DAB1: variants seen among roughly 807,000 people sequenced by gnomAD.
The protein encoded by DAB1 is DAB adaptor protein 1.
DAB1 carries 15 observed loss-of-function variants against 64.6 expected under a neutral mutation model. That is an observed-to-expected ratio of 0.23 (90% CI 0.16 to 0.36). DAB1 has a LOEUF of 0.36. Ranked by LOEUF, DAB1 falls within the 10% of genes least tolerant of loss-of-function variation. The pLI, the probability that DAB1 is intolerant of heterozygous loss-of-function variation, is 1.00. For synonymous variants in DAB1, 235 were observed against 251.9 expected, an observed-to-expected ratio of 0.93 and a Z score of 0.64; for missense variants, 596 against 706.7, an observed-to-expected ratio of 0.84 and a Z score of 1.78.
At chr1:57,333,207 T>C (rs1209536177) in intron 1 of DAB1, among the ~76,000 whole-genome samples, 3 of 152,248 alleles carry the variant, frequency 2.0e-5, no homozygotes, top group Non-Finnish European at 4.4e-5. Flanking sequence ...GCAGGAACTT[T>C]GCCTGTTTTG....
At chr1:58,049,110 G>A (rs1396993163) in intron 5 of DAB1, 3 of 810,150 alleles carry the variant, frequency 3.7e-6, no homozygotes, top group Non-Finnish European at 4.3e-6. Flanking sequence ...AGTGGCATAT[G>A]TGACAAACCC....
chr1:57,435,902 CT>C (rs36121905), intron 7 of DAB1, among the ~76,000 whole-genome samples: 4,191 of 146,598 alleles, frequency 0.029, 66 homozygotes, highest in South Asian at 0.057. Context: ...ATGTGCTAGA[CT>C]TTTTTTTTCT....
At chr1:57,409,350 C>T (rs942195975) in intron 1 of DAB1, among the ~76,000 whole-genome samples, 2 of 152,204 alleles carry the variant, frequency 1.3e-5, no homozygotes, top group African/African-American at 4.8e-5. Context: ...GTATGGATCT[C>T]CTGGCTGTCA....
chr1:57,710,832 T>C (rs182654245), intron 6 of DAB1, among the ~76,000 whole-genome samples: 2 of 152,188 alleles, frequency 1.3e-5, no homozygotes, highest in African/African-American at 4.8e-5. Context: ...CTCAACTCAA[T>C]CTCCACAAAA....
chr1:58,102,303 G>C (rs1242639399), intron 5 of DAB1, among the ~76,000 whole-genome samples: 1 of 152,206 alleles, frequency 6.6e-6, no homozygotes, highest in Non-Finnish European at 1.5e-5. Flanking sequence ...CTGATGGGGA[G>C]AGGAAAGGAG....
At chr1:58,508,564 C>G (rs983935838) in intron 2 of DAB1, among the ~76,000 whole-genome samples, 1 of 152,104 alleles carries the variant, frequency 6.6e-6, no homozygotes, top group African/African-American at 2.4e-5. Flanking sequence ...ACCATATGAT[C>G]ATAAGAACAC....
chr1:57,015,159 C>T lies in DAB1; in HGVS notation c.1168G>A (p.Val390Ile), dbSNP rs374160257. 15 of 1,614,066 alleles carry T rather than the reference C, an allele frequency of 9.3e-6. No homozygotes were observed. Among genetic ancestry groups the T allele is most frequent in the South Asian group, 4.4e-5 (4 of 91,082 alleles). Reference protein sequence around the residue: ...FQGPLTPLATVPGTSDSTRSS... With the variant: ...FQGPLTPLATIPGTSDSTRSS... ...CTGGTGGAGTCACTCGTGCCTGGGACGGTGGCAAGGGGGGTGAGGGGACCT... is the reference window on the plus strand; with the variant it reads ...CTGGTGGAGTCACTCGTGCCTGGGATGGTGGCAAGGGGGGTGAGGGGACCT... Residue 390 changes from valine to isoleucine, a missense_variant, in exon 12 of 15, where the codon GTC (valine) becomes ATC (isoleucine). By Grantham distance (29) the Val-to-Ile change is conservative. This residue lies in a region of DAB1 where 377 missense variants were observed against 400.4 expected (regional missense o/e 0.94). Coordinates refer to ENST00000371236, the MANE Select transcript of DAB1 (RefSeq NM_001365792.1).
chr1:58,311,113 C>T (rs779839995), intron 4 of DAB1, among the ~76,000 whole-genome samples: 2 of 152,072 alleles, frequency 1.3e-5, no homozygotes, highest in African/African-American at 2.4e-5. Flanking sequence ...TTCCTCATCC[C>T]CCACCCTACA....
At chr1:57,137,418 G>C (rs935802035) in intron 3 of DAB1, among the ~76,000 whole-genome samples, 25 of 152,330 alleles carry the variant, frequency 1.6e-4, no homozygotes, top group African/African-American at 5.8e-4. Context: ...ATAATTGCTA[G>C]ATGAATATGT....
chr1:57,877,447 C>T (rs936675931), intron 1 of DAB1, among the ~76,000 whole-genome samples: 2 of 152,170 alleles, frequency 1.3e-5, no homozygotes, highest in Non-Finnish European at 2.9e-5. Flanking sequence ...TGGCTGTTCC[C>T]ACCTGAAGCA....
intron 6 of DAB1, among the ~76,000 whole-genome samples, chr1:57,777,923 A>C (rs1649892756): frequency 6.6e-6 from 1 of 152,030 alleles, no homozygotes; most frequent in African/African-American, 2.4e-5. Context: ...TCATTTTGGC[A>C]GTTTCTTTCA....
intron 1 of DAB1, among the ~76,000 whole-genome samples, chr1:57,304,771 A>G (rs917589673): frequency 2.6e-5 from 4 of 152,190 alleles, no homozygotes; most frequent in Non-Finnish European, 4.4e-5. Context: ...GCTATACCAT[A>G]TAACTATTGA....
chr1:58,413,610 A>G (rs1644690187), intron 3 of DAB1, among the ~76,000 whole-genome samples: 2 of 152,188 alleles, frequency 1.3e-5, no homozygotes, highest in Admixed American at 1.3e-4. Flanking sequence ...CCATGCTAAC[A>G]GTCCAGGGTG....
At chr1:58,383,822 G>A (rs1569712434) in intron 3 of DAB1, among the ~76,000 whole-genome samples, 1 of 152,254 alleles carries the variant, frequency 6.6e-6, no homozygotes, top group South Asian at 2.1e-4. Flanking sequence ...GGCTATTGTG[G>A]ATAATGCTGC....
intron 4 of DAB1, among the ~76,000 whole-genome samples, chr1:58,211,730 C>CT (rs2100293931): frequency 6.6e-6 from 1 of 152,216 alleles, no homozygotes; most frequent in Admixed American, 6.5e-5. Context: ...TTATTTTCTC[C>CT]TTTTTTGGAT....
chr1:58,027,436 CATA>C (rs1352568880), intron 5 of DAB1, among the ~76,000 whole-genome samples: 24 of 152,082 alleles, frequency 1.6e-4, no homozygotes, highest in African/African-American at 4.8e-4. Context: ...TTCTTTATAA[CATA>C]ATAATGATAG....
intron 3 of DAB1, chr1:58,415,496 G>C (rs753106775): frequency 1.1e-4 from 26 of 241,940 alleles, no homozygotes; most frequent in Non-Finnish European, 1.5e-4. Flanking sequence ...CTAGAAAGGA[G>C]ACAAAAATGG....
At chr1:57,273,435 A>G (rs1287831351) in intron 2 of DAB1, among the ~76,000 whole-genome samples, 1 of 152,034 alleles carries the variant, frequency 6.6e-6, no homozygotes, top group Non-Finnish European at 1.5e-5. Flanking sequence ...TCCTCTGCTA[A>G]GCAACTTTGG....
chr1:58,532,070 G>C (rs1646442645), intron 1 of DAB1, among the ~76,000 whole-genome samples: 1 of 152,074 alleles, frequency 6.6e-6, no homozygotes, highest in Admixed American at 6.6e-5. Flanking sequence ...TTATAGAAGA[G>C]AAAGCCCTTG....
Sources: allele counts gnomAD v4.1 joint callset (sites outside exome capture counted in the v4.1 genomes callset), GRCh38; gene constraint gnomAD v4.1.1; regional missense constraint gnomAD v4.1.1; transcripts MANE v1.5; gene names NCBI Gene and HGNC (gene_info 2026-07-23, HGNC 2026-07-21).